Variants in NBEAL1 observed in about 807,000 individuals in gnomAD.
The protein encoded by NBEAL1 is neurobeachin-like protein 1.
NBEAL1 carries 273 observed loss-of-function variants against 351.3 expected under a neutral mutation model. That is an observed-to-expected ratio of 0.78 (90% CI 0.70 to 0.86). The LOEUF (loss-of-function observed/expected upper bound fraction) is 0.86. Ranked by LOEUF, NBEAL1 falls within the 40% of genes least tolerant of loss-of-function variation. The pLI is 0.00. For synonymous variants in NBEAL1, 1,050 were observed against 1,086.4 expected (o/e 0.97, Z 0.66); for missense variants, 2,961 against 3,201.3 (o/e 0.92, Z 1.81).
At chr2:203,144,210 C>T (rs1014832115) in intron 31 of NBEAL1, among the ~76,000 whole-genome samples, 1 of 52,970 alleles carries the variant, frequency 1.9e-5, no homozygotes, top group Non-Finnish European at 4.0e-5. Flanking sequence ...GACTCCATCT[C>T]AAAAAAAAAA....
At chr2:203,145,290 G>A in intron 33 of NBEAL1, 130 bp downstream of exon 33, 1 of 811,480 alleles carries the variant, frequency 1.2e-6, no homozygotes, top group Non-Finnish European at 1.8e-6. Flanking sequence ...AATTATCTTA[G>A]AATTAGAAGA....
chr2:203,019,299 A>G (rs994659679), intron 2 of NBEAL1, among the ~76,000 whole-genome samples: 9 of 152,174 alleles, frequency 5.9e-5, no homozygotes, highest in East Asian at 3.8e-4. Flanking sequence ...GCAAAACTGT[A>G]TAATTTATAT....
At chr2:203,137,351 G>GC (rs1362317452) in intron 29 of NBEAL1, among the ~76,000 whole-genome samples, 2 of 152,040 alleles carry the variant, frequency 1.3e-5, no homozygotes, top group African/African-American at 4.8e-5. Context: ...TTTATGTGTG[G>GC]CCCAAGACAG....
intron 54 of NBEAL1, 56 bp downstream of exon 54, chr2:203,211,162 C>A (rs1354617520): frequency 3.3e-6 from 4 of 1,215,356 alleles, no homozygotes; most frequent in South Asian, 2.2e-5. Context: ...TACTTCTAGT[C>A]TAGAGTGAAA....
chr2:203,177,284 C>G (rs1459020214), intron 42 of NBEAL1, among the ~76,000 whole-genome samples: 1 of 150,814 alleles, frequency 6.6e-6, no homozygotes, highest in African/African-American at 2.4e-5. Flanking sequence ...CCTATAACTT[C>G]AGCTACTCAG....
In NBEAL1 at chr2:203,221,124, T is replaced by C. The variant is rs1258178827; in HGVS notation, c.*3770T>C. ...GAATCTTAAGACATTTTATATTTTG[T>C]GTGAAAAGGAGTGGTCAGGGGAAAC... is the stretch of plus-strand genomic sequence containing the variant. On this transcript the variant is annotated 3_prime_UTR_variant, in exon 56 of 56. Transcript: ENST00000683969. 1.3e-5 allele frequency among the ~76,000 whole-genome samples: 2 copies of C among 152,062 alleles called. No homozygotes were observed. The highest frequency in any genetic ancestry group is 4.8e-5 in the African/African-American group (2 of 41,436).
At chr2:203,190,532 T>C (rs2105776127) in intron 46 of NBEAL1, 143 bp downstream of exon 46, 4 of 740,960 alleles carry the variant, frequency 5.4e-6, no homozygotes, top group East Asian at 2.6e-5. Context: ...GAAAGTCTTA[T>C]ATTATTTCCA....
chr2:203,022,358 C>A (rs1169725101), intron 2 of NBEAL1, among the ~76,000 whole-genome samples: 3 of 151,344 alleles, frequency 2.0e-5, no homozygotes, highest in Non-Finnish European at 4.4e-5. Context: ...AACCATGGTT[C>A]ATTTTTGTCA....
chr2:203,105,258 C>T (rs923961947), intron 12 of NBEAL1, among the ~76,000 whole-genome samples: 8 of 151,616 alleles, frequency 5.3e-5, no homozygotes, highest in Admixed American at 3.3e-4. Flanking sequence ...TTCAGGAGAT[C>T]GAGACCATCG....
At chr2:203,122,841 G>A (rs1316686055) in intron 19 of NBEAL1, among the ~76,000 whole-genome samples, 1 of 152,044 alleles carries the variant, frequency 6.6e-6, no homozygotes, top group Non-Finnish European at 1.5e-5. Flanking sequence ...CTTGGTTAAT[G>A]CTCTAGTAGT....
At position 203,166,282 on chromosome 2, in the gene NBEAL1, A is replaced by G. The variant is rs1243873826; in HGVS notation, c.5848A>G (p.Ile1950Val). 2.0e-5 allele frequency: 32 copies of G among 1,601,280 alleles called. No homozygotes were observed. Among genetic ancestry groups the G allele is most frequent in the Non-Finnish European group, 2.6e-5 (31 of 1,177,082 alleles). The change falls in exon 37 of 56, where the codon ATT becomes GTT. Residue 1950 changes from isoleucine to valine, a missense_variant. Transcript: ENST00000683969. ...TQHIYFYDGS[I>V]EKEDGVGFDF... ...ACACATTTACTTCTATGATGGCAGCATTGAAAAAGAAGATGGTGAGGAGTT... is the reference window on the plus strand; with the variant it reads ...ACACATTTACTTCTATGATGGCAGCGTTGAAAAAGAAGATGGTGAGGAGTT...
chr2:203,036,327 CT>C (rs1295954152), intron 2 of NBEAL1, among the ~76,000 whole-genome samples: 1 of 148,732 alleles, frequency 6.7e-6, no homozygotes, highest in African/African-American at 2.4e-5. Flanking sequence ...GTGTTAAATA[CT>C]TTATGACCTT....
intron 3 of NBEAL1, among the ~76,000 whole-genome samples, chr2:203,049,169 A>G (rs1431168694): frequency 4.6e-5 from 7 of 152,230 alleles, no homozygotes; most frequent in East Asian, 1.9e-4. Flanking sequence ...GGGAAATGTG[A>G]TAACCTATAG....
At chr2:203,187,608 G>A (rs575076875) in intron 44 of NBEAL1, among the ~76,000 whole-genome samples, 1 of 151,596 alleles carries the variant, frequency 6.6e-6, no homozygotes, top group Non-Finnish European at 1.5e-5. Flanking sequence ...GGGCGTGGTG[G>A]CAGGCGCCTG....
intron 52 of NBEAL1, 52 bp downstream of exon 52, chr2:203,208,805 C>A: frequency 7.4e-7 from 1 of 1,355,998 alleles, no homozygotes; most frequent in Non-Finnish European, 1.0e-6. Flanking sequence ...AAATTTATTA[C>A]CAACACTTAT....
At position 203,156,026 on chromosome 2, in the gene NBEAL1, C is replaced by G. The variant is rs2063789256; in HGVS notation, c.5588-1673C>G. ...GCTGCCTGTTGGGATATCTCTTACACAGTCTCCGTATGACATTTCTGAAAC... is the reference window on the plus strand; with the variant it reads ...GCTGCCTGTTGGGATATCTCTTACAGAGTCTCCGTATGACATTTCTGAAAC... On this transcript the variant is annotated intron_variant, in intron 35 of 55. Coordinates refer to ENST00000683969, the MANE Select transcript of NBEAL1 (RefSeq NM_001378026.1). Among the ~76,000 whole-genome samples, 3 of 152,176 alleles carry G rather than the reference C, an allele frequency of 2.0e-5. No individual in the cohort carries two copies. In the South Asian group the frequency reaches 6.2e-4, roughly 32 times the overall value.
rs2062266068 is a variant in NBEAL1 at position 203,099,626 on chromosome 2, T to C, written c.1186-3T>C. ...TTTCTTGTTTCCCCTTCCCCCTCAATAGGTGTTTCAGGGACAATTGGATTG... is the reference window on the plus strand; with the variant it reads ...TTTCTTGTTTCCCCTTCCCCCTCAACAGGTGTTTCAGGGACAATTGGATTG... On this transcript the variant is annotated splice_polypyrimidine_tract_variant and splice_region_variant and intron_variant, in intron 11 of 55. Transcript: ENST00000683969. 1 of 1,535,682 alleles carries C rather than the reference T, an allele frequency of 6.5e-7. No individual in the cohort carries two copies. The highest frequency in any genetic ancestry group is 1.7e-4 in the Middle Eastern group (1 of 5,954).
intron 39 of NBEAL1, among the ~76,000 whole-genome samples, chr2:203,171,296 ATAAAATG>A (rs1371231454): frequency 6.6e-6 from 1 of 151,924 alleles, no homozygotes; most frequent in East Asian, 1.9e-4. Context: ...AAATAATAAA[ATAAAATG>A]TGAAATTTTA....
At chr2:203,043,947 GA>G (rs966867239) in intron 3 of NBEAL1, among the ~76,000 whole-genome samples, 1 of 152,136 alleles carries the variant, frequency 6.6e-6, no homozygotes, top group African/African-American at 2.4e-5. Flanking sequence ...AATGGACTTT[GA>G]CTTTTTTGTT....
Sources: allele counts gnomAD v4.1 joint callset (sites outside exome capture counted in the v4.1 genomes callset), GRCh38; gene constraint gnomAD v4.1.1; transcripts MANE v1.5; gene names NCBI Gene and HGNC (gene_info 2026-07-23, HGNC 2026-07-21).